Variants in LSAMP observed in about 807,000 individuals in gnomAD.
LSAMP encodes limbic system-associated membrane protein.
LSAMP carries 7 observed loss-of-function variants against 38.6 expected under a neutral mutation model. That is an observed-to-expected ratio of 0.18 (90% CI 0.10 to 0.34). The LOEUF (loss-of-function observed/expected upper bound fraction) is 0.34. Among genes scored for constraint, LSAMP ranks in the 10% least tolerant of loss-of-function variants. The pLI is 1.00. For synonymous variants in LSAMP, 154 were observed against 166.8 expected (o/e 0.92, Z 0.59); for missense variants, 313 against 420.0 (o/e 0.75, Z 2.23).
At chr3:115,966,624 A>G (rs1938824113) in intron 3 of LSAMP, among the ~76,000 whole-genome samples, 1 of 152,216 alleles carries the variant, frequency 6.6e-6, no homozygotes, top group Admixed American at 6.5e-5. Flanking sequence ...GAATAACCAA[A>G]TCCATGGATG....
intron 1 of LSAMP, among the ~76,000 whole-genome samples, chr3:116,353,757 C>A (rs2048181609): frequency 6.6e-6 from 1 of 151,976 alleles, no homozygotes; most frequent in Non-Finnish European, 1.5e-5. Flanking sequence ...TAATGAAATG[C>A]ATTGATTTTA....
At chr3:116,356,159 G>A (rs1323711440) in intron 1 of LSAMP, among the ~76,000 whole-genome samples, 1 of 152,178 alleles carries the variant, frequency 6.6e-6, no homozygotes, top group Non-Finnish European at 1.5e-5. Context: ...ATTCACAATA[G>A]TCAAGATTTG....
chr3:116,166,867 T>G (rs1710065924), intron 1 of LSAMP, among the ~76,000 whole-genome samples: 1 of 144,968 alleles, frequency 6.9e-6, no homozygotes. Context: ...CTCAGCTCAC[T>G]GCAAGCTGCA....
At chr3:116,340,312 T>C (rs954776540) in intron 1 of LSAMP, among the ~76,000 whole-genome samples, 1 of 152,078 alleles carries the variant, frequency 6.6e-6, no homozygotes, top group Non-Finnish European at 1.5e-5. Context: ...AGTGAAAATT[T>C]AATATGTATT....
chr3:116,341,774 C>A (rs2047998834), intron 1 of LSAMP, among the ~76,000 whole-genome samples: 1 of 151,978 alleles, frequency 6.6e-6, no homozygotes, highest in Admixed American at 6.6e-5. Flanking sequence ...CCTTCCTTGA[C>A]TCTGGTTCGG....
chr3:116,175,727 AC>A (rs1710323085), intron 1 of LSAMP, among the ~76,000 whole-genome samples: 1 of 152,058 alleles, frequency 6.6e-6, no homozygotes, highest in Admixed American at 6.6e-5. Context: ...AAAAAAAGAG[AC>A]TGGGTCAAAG....
chr3:116,228,421 G>A (rs2107624471), intron 1 of LSAMP, among the ~76,000 whole-genome samples: 1 of 152,044 alleles, frequency 6.6e-6, no homozygotes, highest in African/African-American at 2.4e-5. Context: ...CCCTACTAAT[G>A]CCCAATCATG....
chr3:116,145,699 T>C (rs1709475540), intron 1 of LSAMP, among the ~76,000 whole-genome samples: 1 of 151,970 alleles, frequency 6.6e-6, no homozygotes, highest in Admixed American at 6.6e-5. Context: ...CATCATACAT[T>C]GTATCTTTTA....
intron 3 of LSAMP, among the ~76,000 whole-genome samples, chr3:115,920,561 T>C (rs1937358905): frequency 6.6e-6 from 1 of 152,190 alleles, no homozygotes; most frequent in Non-Finnish European, 1.5e-5. Context: ...AGGTTTTTTG[T>C]TATTGAGTTC....
chr3:115,846,801 G>C (rs1322936321), intron 4 of LSAMP, among the ~76,000 whole-genome samples: 2 of 152,152 alleles, frequency 1.3e-5, no homozygotes, highest in Non-Finnish European at 2.9e-5. Context: ...TAGATGGAAA[G>C]GTAAATGTTG....
chr3:116,149,679 A>G (rs564828790), intron 1 of LSAMP, among the ~76,000 whole-genome samples: 39 of 152,140 alleles, frequency 2.6e-4, no homozygotes, highest in African/African-American at 9.4e-4. Context: ...TTGCTATTAC[A>G]GACAGCATTC....
At chr3:116,409,601 A>T (rs2048944830) in intron 1 of LSAMP, among the ~76,000 whole-genome samples, 1 of 152,020 alleles carries the variant, frequency 6.6e-6, no homozygotes, top group Non-Finnish European at 1.5e-5. Flanking sequence ...TGCTGATGAC[A>T]TTGGCTAGCT....
At chr3:116,337,535 G>C (rs1422589352) in intron 1 of LSAMP, among the ~76,000 whole-genome samples, 1 of 151,914 alleles carries the variant, frequency 6.6e-6, no homozygotes, top group African/African-American at 2.4e-5. Flanking sequence ...TATTTTTACT[G>C]TATGTTGCAC....
chr3:115,849,592 A>G (rs1935267123), intron 4 of LSAMP, among the ~76,000 whole-genome samples: 1 of 152,188 alleles, frequency 6.6e-6, no homozygotes, highest in Admixed American at 6.5e-5. Context: ...CTGTGTTTTG[A>G]AAAGGAAGCA....
chr3:116,441,655 G>A (rs2049437025), intron 1 of LSAMP, among the ~76,000 whole-genome samples: 1 of 152,194 alleles, frequency 6.6e-6, no homozygotes, highest in African/African-American at 2.4e-5. Flanking sequence ...GGAAGAAACA[G>A]TGTTAGAAAC....
At chr3:115,955,218 G>A (rs1029435487) in intron 3 of LSAMP, among the ~76,000 whole-genome samples, 7 of 152,176 alleles carry the variant, frequency 4.6e-5, no homozygotes, top group African/African-American at 1.7e-4. Context: ...ACAGGCGTGA[G>A]CCACCGCGCC....
At chr3:115,917,344 C>T (rs901955980) in intron 3 of LSAMP, among the ~76,000 whole-genome samples, 21 of 152,122 alleles carry the variant, frequency 1.4e-4, no homozygotes, top group Non-Finnish European at 1.2e-4. Flanking sequence ...TATATTGTTG[C>T]TGCCTTCTGA....
At chr3:116,294,089 C>G (rs527803311) in intron 1 of LSAMP, among the ~76,000 whole-genome samples, 2 of 151,936 alleles carry the variant, frequency 1.3e-5, no homozygotes, top group African/African-American at 2.4e-5. Flanking sequence ...TGATGATGAT[C>G]ATCATCACTT....
At chr3:116,166,502 T>C (rs1710052747) in intron 1 of LSAMP, among the ~76,000 whole-genome samples, 1 of 152,176 alleles carries the variant, frequency 6.6e-6, no homozygotes, top group Non-Finnish European at 1.5e-5. Context: ...GCAGCATTGT[T>C]ATAAGCAACT....
Sources: allele counts gnomAD v4.1 joint callset (sites outside exome capture counted in the v4.1 genomes callset), GRCh38; gene constraint gnomAD v4.1.1; transcripts MANE v1.5; gene names NCBI Gene and HGNC (gene_info 2026-07-23, HGNC 2026-07-21).